URB1: variants seen among roughly 807,000 people sequenced by gnomAD.
URB1 encodes URB1 ribosome biogenesis factor, also known as nucleolar pre-ribosomal-associated protein 1.
In URB1, 197 loss-of-function variants were observed where a neutral mutation model predicts 242.3. That is an observed-to-expected ratio of 0.81 (90% CI 0.72 to 0.91). The LOEUF is 0.91. URB1 is among the 40% of genes least tolerant of loss of function. URB1 has a pLI of 0.00. For missense variants in URB1, 2,721 were observed against 2,860.5 expected (o/e 0.95, Z 1.11); for synonymous variants, 1,153 against 1,201.8 (o/e 0.96, Z 0.84).
In URB1 at chr21:32,373,633, A is replaced by G; in HGVS notation, c.876+14T>C. Reference sequence around the variant, plus strand: ...CCAACAACGAGGTCAACGAAAACCAAAAAGTGTCTGCACCTTGACATTTTC... The same window carrying G: ...CCAACAACGAGGTCAACGAAAACCAGAAAGTGTCTGCACCTTGACATTTTC... On this transcript the variant is annotated intron_variant, in intron 7 of 38. Coordinates refer to ENST00000382751, the MANE Select transcript of URB1 (RefSeq NM_014825.3). 1 of 1,529,878 alleles carries G rather than the reference A, an allele frequency of 6.5e-7. No individual in the cohort carries two copies. The highest frequency in any genetic ancestry group is 8.8e-7 in the Non-Finnish European group (1 of 1,140,528). 94.8% of individuals were successfully genotyped at this position (1,529,878 alleles called of 1,614,324 possible). A position where few individuals can be genotyped will look rare whatever the true frequency, so the allele number is the denominator to read the frequency against.
At chr21:32,346,898 A>G in intron 22 of URB1, 58 bp downstream of exon 22, 1 of 1,446,908 alleles carries the variant, frequency 6.9e-7, no homozygotes, top group South Asian at 1.5e-5. Context: ...CATGCAGTTC[A>G]CCTTCTTAGC....
intron 16 of URB1, 76 bp from the exon 17 acceptor site, chr21:32,355,073 T>C (rs1234110835): frequency 2.0e-6 from 3 of 1,465,558 alleles, no homozygotes; most frequent in Non-Finnish European, 2.7e-6. Context: ...ATGTCACTGG[T>C]CAAAATCAAG....
At chr21:32,317,944 G>A (rs1183809169) in intron 36 of URB1, 27 bp from the exon 37 acceptor site, 4 of 1,549,842 alleles carry the variant, frequency 2.6e-6, no homozygotes, top group African/African-American at 2.7e-5. Flanking sequence ...GTTACAGACT[G>A]AGCAAAGGCT....
chr21:32,357,256 A>C (rs1206820377), intron 15 of URB1, among the ~76,000 whole-genome samples: 1 of 152,088 alleles, frequency 6.6e-6, no homozygotes, highest in Non-Finnish European at 1.5e-5. Context: ...ACTGCCTAAT[A>C]AACACCAAGA....
At chr21:32,355,215 C>T (rs1299276228) in intron 16 of URB1, among the ~76,000 whole-genome samples, 1 of 152,120 alleles carries the variant, frequency 6.6e-6, no homozygotes, top group Admixed American at 6.5e-5. Context: ...TTTGGTTTAC[C>T]TATTCCCCTA....
At position 32,319,273 on chromosome 21, in the gene URB1, G is replaced by A; in HGVS notation, c.5736C>T (p.Ala1912=). 1 of 1,551,228 alleles carries A rather than the reference G, an allele frequency of 6.4e-7. No individual in the cohort carries two copies. The highest frequency in any genetic ancestry group is 1.2e-5 in the South Asian group (1 of 83,954). The part of the protein sequence containing the change: ...PSSQEPAKRL[A]LHLVNEFLYV... ...AAAGGAACTCATTGACCAGGTGCAG[G>A]GCAAGCCGCTTGGCAGGCTCCTGGG... Residue 1912 remains alanine, a synonymous_variant, in exon 36 of 39, where the codon GCC becomes GCT. Coordinates refer to ENST00000382751, the MANE Select transcript of URB1 (RefSeq NM_014825.3).
Position 32,373,686 on chromosome 21 carries a change from G to A in URB1, c.837C>T (p.Asn279=). The A allele has an allele frequency of 2.6e-6, 4 of 1,546,416 alleles. No individual in the cohort carries two copies. Among genetic ancestry groups the A allele is most frequent in the Non-Finnish European group, 3.5e-6 (4 of 1,145,284 alleles). The part of the protein sequence containing the change: ...QLLNHIASLY[N]WNGITDVNPE... ...GGTTCACATCGGTAATCCCATTCCA[G>A]TTGTACAGCGATGCTATGTGGTTCA... The change falls in exon 7 of 39, where the codon AAC becomes AAT. Residue 279 remains asparagine (N), a synonymous_variant. Coordinates refer to ENST00000382751, the MANE Select transcript of URB1 (RefSeq NM_014825.3).
intron 28 of URB1, 116 bp downstream of exon 28, chr21:32,336,978 C>T (rs1679437684): frequency 9.6e-7 from 1 of 1,045,968 alleles, no homozygotes; most frequent in Non-Finnish European, 1.4e-6. Flanking sequence ...TGCTGCCTGC[C>T]TCACTCTTTC....
chr21:32,378,797 T>A (rs189296216), intron 4 of URB1, among the ~76,000 whole-genome samples: 4 of 152,324 alleles, frequency 2.6e-5, no homozygotes, highest in Admixed American at 6.5e-5. Flanking sequence ...TACAAAAGTA[T>A]GGGTAAAAAA....
At chr21:32,358,832 C>T (rs1568823965) in intron 14 of URB1, among the ~76,000 whole-genome samples, 2 of 152,296 alleles carry the variant, frequency 1.3e-5, no homozygotes, top group East Asian at 1.9e-4. Context: ...CTAGGCAGCA[C>T]CGCCTGGGTC....
intron 1 of URB1, among the ~76,000 whole-genome samples, chr21:32,391,231 G>T (rs534547878): frequency 6.7e-6 from 1 of 150,276 alleles, no homozygotes; most frequent in Non-Finnish European, 1.5e-5. Context: ...GTCGGGGGGA[G>T]GGGGGAGGGA....
At chr21:32,370,908 T>C (rs898546986) in intron 8 of URB1, among the ~76,000 whole-genome samples, 8 of 152,360 alleles carry the variant, frequency 5.3e-5, no homozygotes, top group South Asian at 4.1e-4. Context: ...GAACACCTAC[T>C]ATGTGCCAGG....
At position 32,316,823 on chromosome 21, in the gene URB1, C is replaced by A. The variant is rs556682663; in HGVS notation, c.6277G>T (p.Val2093Leu). The change falls in exon 38 of 39, where the codon GTA becomes TTA. Residue 2093 changes from valine (V) to leucine (L), a missense_variant. Physicochemically the swap from Val to Leu is conservative, Grantham distance 32. Transcript: ENST00000382751. Reference protein sequence around the residue: ...ASPESDAPGPVYAAASLAVSW... With the variant: ...ASPESDAPGPLYAAASLAVSW... Reference sequence around the variant, plus strand: ...ACTGCCAGGGAAGCGGCAGCATATACGGGGCCTGGCGCATCGCTCTCGGGG... The same window carrying A: ...ACTGCCAGGGAAGCGGCAGCATATAAGGGGCCTGGCGCATCGCTCTCGGGG... The A allele has an allele frequency of 1.3e-6, 2 of 1,546,666 alleles. No homozygotes were observed. Among genetic ancestry groups the A allele is most frequent in the South Asian group, 1.2e-5 (1 of 83,638 alleles).
Position 32,366,662 on chromosome 21 carries a change from C to T in URB1, c.1291G>A (p.Val431Met), listed in dbSNP as rs117577554. Residue 431 changes from valine (V) to methionine (M), a missense_variant, in exon 10 of 39, where the codon GTG (valine) becomes ATG (methionine). Coordinates refer to ENST00000382751, the MANE Select transcript of URB1 (RefSeq NM_014825.3). The part of the protein sequence containing the change: ...RLLAMVMVTT[V>M]PLVCNKSMFT... ...ATGCTCTTATTGCACACCAGGGGCA[C>T]GGTGGTCACCATCACCATTGCCAGG... 22,039 of 1,551,448 alleles carry T rather than the reference C, an allele frequency of 0.014. 191 individuals are homozygous for T. The highest frequency in any genetic ancestry group is 0.015 in the Middle Eastern group (89 of 5,984).
Position 32,324,545 on chromosome 21 carries a change from T to G in URB1, c.5179A>C (p.Thr1727Pro). The G allele has an allele frequency of 6.4e-7, 1 of 1,551,890 alleles. No individual in the cohort carries two copies. The highest frequency in any genetic ancestry group is 8.7e-7 in the Non-Finnish European group (1 of 1,147,028). The change falls in exon 32 of 39, where the codon ACT (threonine) becomes CCT (proline). Residue 1727 changes from threonine (T) to proline (P), a missense_variant. Physicochemically the swap from Thr to Pro is conservative, Grantham distance 38 (BLOSUM62 -1). Transcript: ENST00000382751. ...GCAATGAAGAGAGCCAAGGTAAAAG[T>G]AAGTCTCATGTCCTGAGTTCGAATC... ...NGIRTQDMRL[T>P]FTLALFIAKA...
rs754831287 is a variant in URB1 at position 32,359,908 on chromosome 21, C to T, written c.1757G>A (p.Gly586Asp). 8.1e-5 allele frequency: 125 copies of T among 1,547,936 alleles called. No homozygotes were observed. Among genetic ancestry groups the T allele is most frequent in the Non-Finnish European group, 1.0e-4 (117 of 1,145,672 alleles). ...TCGAAGGCCCTGCTCAGAGATGACA[C>T]CTATGGGTGAAAAAGAGGCAGGCTG... is the stretch of plus-strand genomic sequence containing the variant. ...YNFDFSKLLK[G>D]VISEQGLREE... The change falls in exon 14 of 39, where the codon GGT (glycine) becomes GAT (aspartate). Residue 586 changes from glycine to aspartate, a missense_variant and splice_region_variant. By Grantham distance (94) the Gly-to-Asp change is moderately conservative. Transcript: ENST00000382751.
chr21:32,347,322 G>A lies in URB1; in HGVS notation c.3502C>T (p.Gln1168Ter). 12 of 1,551,314 alleles carry A rather than the reference G, an allele frequency of 7.7e-6. No individual in the cohort carries two copies. Among genetic ancestry groups the A allele is most frequent in the Non-Finnish European group, 1.0e-5 (12 of 1,147,004 alleles). Residue 1168 changes from glutamine to a stop codon, truncating the protein, a stop_gained, in exon 22 of 39, where the codon CAG (glutamine) becomes TAG (stop). Transcript: ENST00000382751. LOFTEE classifies it high-confidence loss of function. ...CACAGGAGCTCACCACTCTGCAGCT[G>A]ATCCTGGGGGCTGCAGGTCAGCAGC... is the stretch of plus-strand genomic sequence containing the variant. The part of the protein sequence containing the change: ...VQLLTCSPQD[Q>*]LQSGELLWSS...
Position 32,361,023 on chromosome 21 carries a change from G to C in URB1, c.1740C>G (p.Phe580Leu), listed in dbSNP as rs2033276871. The C allele has an allele frequency of 6.5e-7, 1 of 1,549,748 alleles. No individual in the cohort carries two copies. The change falls in exon 13 of 39, where the codon TTC (phenylalanine) becomes TTG (leucine). Residue 580 changes from phenylalanine to leucine, a missense_variant. Phe to Leu is a conservative substitution (Grantham distance 22). Transcript: ENST00000382751. ...GAAACCCACCTTTCAGGAGCTTGCT[G>C]AAGTCAAAGTTGTACTGCATGACCA... The part of the protein sequence containing the change: ...PHVVMQYNFD[F>L]SKLLKGVISE...
intron 8 of URB1, among the ~76,000 whole-genome samples, chr21:32,370,933 C>CTATTA (rs2033399898): frequency 6.6e-6 from 1 of 152,228 alleles, no homozygotes; most frequent in Non-Finnish European, 1.5e-5. Flanking sequence ...GTCCTAGGGA[C>CTATTA]TGGAGGCCCA....
Sources: gnomAD v4.1 joint callset for allele counts (sites outside exome capture counted in the v4.1 genomes callset) on GRCh38, gnomAD v4.1.1 for gene constraint, MANE v1.5 for transcripts, NCBI Gene and HGNC (gene_info 2026-07-23, HGNC 2026-07-21) for gene names.